The following FOXP2 variants were observed in gnomAD, a reference collection of about 807,000 sequenced individuals.
FOXP2 encodes the protein forkhead box P2, also known as forkhead box protein P2.
In FOXP2, 12 loss-of-function variants were observed where a neutral mutation model predicts 115.8. The observed-to-expected ratio is 0.10, with a 90% CI of 0.07 to 0.17. The LOEUF (loss-of-function observed/expected upper bound fraction) is 0.17, where lower values mean the gene tolerates loss of function less well. Ranked by LOEUF, FOXP2 falls within the 10% of genes least tolerant of loss-of-function variation. The probability of loss-of-function intolerance (pLI) is 1.00; values close to 1 mark genes in which losing one functional copy is unlikely to be tolerated. For missense variants in FOXP2, 629 were observed against 843.5 expected (o/e 0.75, Z 3.15); for synonymous variants, 328 against 297.7 (o/e 1.10, Z -1.05).
intron 3 of FOXP2, among the ~76,000 whole-genome samples, chr7:114,597,355 T>C (rs917774455): frequency 6.6e-6 from 1 of 152,132 alleles, no homozygotes; most frequent in Non-Finnish European, 1.5e-5. Context: ...TCACTGAAAG[T>C]ATTTAAAAAT....
intron 4 of FOXP2, chr7:114,628,984 G>T (rs1278574307): frequency 1.5e-5 from 5 of 337,796 alleles, no homozygotes; most frequent in Non-Finnish European, 2.2e-5. Context: ...CCAAAAAAAT[G>T]CAAAAATACT....
At chr7:114,213,876 AC>A (rs975920102) in intron 1 of FOXP2, among the ~76,000 whole-genome samples, 2 of 152,188 alleles carry the variant, frequency 1.3e-5, no homozygotes, top group Non-Finnish European at 2.9e-5. Context: ...TTTGAACCAC[AC>A]CAGAGCTCTG....
At position 114,615,541 on chromosome 7, in the gene FOXP2, T is replaced by C. The variant is rs908523150; in HGVS notation, c.259-12999T>C. Among the ~76,000 whole-genome samples, 3 of 152,204 alleles carry C rather than the reference T, an allele frequency of 2.0e-5. No individual in the cohort carries two copies. In the South Asian group the frequency reaches 6.2e-4, roughly 32 times the overall value. On this transcript the variant is annotated intron_variant, in intron 3 of 16. Coordinates refer to ENST00000350908, the MANE Select transcript of FOXP2 (RefSeq NM_014491.4). ...TGGCTTGGATATTATAATACCATTC[T>C]CCCAGTTTCCAACTCGACTTCTCTA... is the stretch of plus-strand genomic sequence containing the variant.
At chr7:114,360,680 A>T (rs1430432238) in intron 2 of FOXP2, among the ~76,000 whole-genome samples, 1 of 152,170 alleles carries the variant, frequency 6.6e-6, no homozygotes. Flanking sequence ...AATATTCATT[A>T]TCAGGAAAAT....
Position 114,534,641 on chromosome 7 carries a change from C to G in FOXP2, c.193C>G (p.Leu65Val). The G allele has an allele frequency of 6.2e-7, 1 of 1,612,010 alleles. No individual in the cohort carries two copies. The highest frequency in any genetic ancestry group is 8.5e-7 in the Non-Finnish European group (1 of 1,178,542). Residue 65 changes from leucine (L) to valine (V), a missense_variant, in exon 3 of 17, where the codon CTT (leucine) becomes GTT (valine). Coordinates refer to ENST00000350908, the MANE Select transcript of FOXP2 (RefSeq NM_014491.4). ...GGCTCTCCAGGCAGCAAGACAACTT[C>G]TTTTACAGCAGCAAACAAGTGGATT... ...QQALQAARQL[L>V]LQQQTSGLKS... is the part of the protein sequence containing the mutation.
chr7:114,157,795 G>C (rs1368685600), intron 1 of FOXP2, among the ~76,000 whole-genome samples: 1 of 152,044 alleles, frequency 6.6e-6, no homozygotes, highest in Non-Finnish European at 1.5e-5. Context: ...GGCATATTCT[G>C]TAAAGATAAT....
intron 1 of FOXP2, among the ~76,000 whole-genome samples, chr7:114,206,089 C>T (rs750665392): frequency 1.3e-5 from 2 of 152,082 alleles, no homozygotes; most frequent in African/African-American, 4.8e-5. Flanking sequence ...CCAAACCACC[C>T]GTCTTTCCAG....
At chr7:114,644,663 A>C (rs368908035) in intron 7 of FOXP2, 22 bp from the exon 8 acceptor site, 238 of 1,592,912 alleles carry the variant, frequency 1.5e-4, no homozygotes, top group Non-Finnish European at 2.0e-4. Flanking sequence ...GATGAATCTG[A>C]CGTCGTGTTC....
intron 2 of FOXP2, among the ~76,000 whole-genome samples, chr7:114,364,447 G>A (rs924891639): frequency 6.6e-6 from 1 of 152,158 alleles, no homozygotes; most frequent in Non-Finnish European, 1.5e-5. Context: ...CGTCACCATA[G>A]CTAGGAAAAT....
At chr7:114,307,302 A>T (rs1797036804) in intron 2 of FOXP2, among the ~76,000 whole-genome samples, 1 of 152,140 alleles carries the variant, frequency 6.6e-6, no homozygotes, top group Admixed American at 6.6e-5. Flanking sequence ...GACCACATTT[A>T]TGCCCCCCGA....
Position 114,634,000 on chromosome 7 carries a change from C to CTT in FOXP2, c.775+2298_775+2299dup, listed in dbSNP as rs1306304563. On this transcript the variant is annotated intron_variant, in intron 6 of 16. Transcript: ENST00000350908. ...TCTCATTGTGTCTTTAAAACTGTATCTTTTCTTTTTTTTTTGAGGAGTCTC... is the reference window on the plus strand; with the variant it reads ...TCTCATTGTGTCTTTAAAACTGTATCTTTTTTCTTTTTTTTTTGAGGAGTCTC... Among the ~76,000 whole-genome samples, 1,410 of 151,414 alleles carry CTT rather than the reference C, an allele frequency of 9.3e-3. 18 individuals carry two copies. The highest frequency in any genetic ancestry group is 0.033 in the African/African-American group (1,347 of 41,184).
intron 1 of FOXP2, among the ~76,000 whole-genome samples, chr7:114,141,109 G>A (rs535626273): frequency 9.2e-5 from 14 of 152,202 alleles, no homozygotes. Flanking sequence ...CCTCACTTAA[G>A]TTCTGAATAA....
At position 114,453,024 on chromosome 7, in the gene FOXP2, T is replaced by C. The variant is rs184522856; in HGVS notation, c.168+26345T>C. Among the ~76,000 whole-genome samples, 233 of 152,252 alleles carry C rather than the reference T, an allele frequency of 1.5e-3. 1 individual carries two copies. The highest frequency in any genetic ancestry group is 1.4e-3 in the Non-Finnish European group (93 of 67,970). On this transcript the variant is annotated intron_variant, in intron 2 of 16. Transcript: ENST00000350908. ...ATTTGTTAAAAATAAATATTGAGCT[T>C]CTGTTATCTTCAAAACTCTCTGATA...
At chr7:114,431,949 A>G (rs1224559816) in intron 2 of FOXP2, among the ~76,000 whole-genome samples, 1 of 151,948 alleles carries the variant, frequency 6.6e-6, no homozygotes, top group African/African-American at 2.4e-5. Flanking sequence ...GTCTGACTGT[A>G]CAGTCATAAT....
At chr7:114,142,509 C>T (rs1397684425) in intron 1 of FOXP2, among the ~76,000 whole-genome samples, 1 of 152,050 alleles carries the variant, frequency 6.6e-6, no homozygotes, top group Non-Finnish European at 1.5e-5. Flanking sequence ...TATTCAGGAA[C>T]ATTTAGAATA....
chr7:114,301,100 G>A (rs1005560103), intron 2 of FOXP2, among the ~76,000 whole-genome samples: 2 of 151,880 alleles, frequency 1.3e-5, no homozygotes, highest in African/African-American at 2.4e-5. Context: ...CTATCTTAAC[G>A]AAATAGTCAT....
At chr7:114,235,767 G>A (rs1243762425) in intron 1 of FOXP2, among the ~76,000 whole-genome samples, 2 of 152,124 alleles carry the variant, frequency 1.3e-5, no homozygotes, top group Non-Finnish European at 2.9e-5. Flanking sequence ...TGGCTGGTGG[G>A]ACTCTTACCT....
At chr7:114,676,004 A>T (rs755237511) in intron 16 of FOXP2, among the ~76,000 whole-genome samples, 26 of 150,500 alleles carry the variant, frequency 1.7e-4, no homozygotes, top group Non-Finnish European at 3.8e-4. Context: ...CCGCCTCCCC[A>T]GTTCAGGCGA....
chr7:114,193,648 CAA>C (rs993473587), intron 1 of FOXP2, among the ~76,000 whole-genome samples: 10 of 152,004 alleles, frequency 6.6e-5, no homozygotes, highest in African/African-American at 2.4e-4. Context: ...TAAGTATGAG[CAA>C]TTCCCATCAA....
Sources: gnomAD v4.1 joint callset for allele counts (sites outside exome capture counted in the v4.1 genomes callset) on GRCh38, gnomAD v4.1.1 for gene constraint, MANE v1.5 for transcripts, NCBI Gene and HGNC (gene_info 2026-07-23, HGNC 2026-07-21) for gene names.